Variants in KCNG2 observed in about 807,000 individuals in gnomAD.
KCNG2 encodes potassium voltage-gated channel modifier subfamily G member 2.
KCNG2 carries 7 observed loss-of-function variants against 12.3 expected under a neutral mutation model. The observed-to-expected ratio is 0.57, with a 90% CI of 0.32 to 1.07. KCNG2 has a LOEUF of 1.07. Ranked by LOEUF, KCNG2 falls within the 50% of genes least tolerant of loss-of-function variation. The pLI, the probability that KCNG2 is intolerant of heterozygous loss-of-function variation, is 0.04. For synonymous variants in KCNG2, 414 were observed against 351.4 expected (o/e 1.18, Z -1.99); for missense variants, 703 against 726.0 (o/e 0.97, Z 0.36).
intron 1 of KCNG2, among the ~76,000 whole-genome samples, chr18:79,834,024 A>C (rs1158769971): frequency 6.6e-6 from 1 of 152,228 alleles, no homozygotes; most frequent in Non-Finnish European, 1.5e-5. Flanking sequence ...TGGCCAGGGG[A>C]CGGTGGGCTG....
chr18:79,820,587 T>C (rs1468511978), intron 1 of KCNG2, among the ~76,000 whole-genome samples: 1 of 152,180 alleles, frequency 6.6e-6, no homozygotes. Context: ...TGCATCTTCT[T>C]TGGAGAAAAG....
chr18:79,812,832 G>A (rs1374337371), intron 1 of KCNG2, among the ~76,000 whole-genome samples: 1 of 152,198 alleles, frequency 6.6e-6, no homozygotes, highest in Non-Finnish European at 1.5e-5. Context: ...CTGTAGTCCA[G>A]TCTGGGTGAT....
chr18:79,799,399 G>A (rs766640612), intron 1 of KCNG2, among the ~76,000 whole-genome samples: 4 of 152,144 alleles, frequency 2.6e-5, no homozygotes, highest in African/African-American at 9.7e-5. Flanking sequence ...GCCTCTGAAG[G>A]TTCTTCCTTA....
In KCNG2 at chr18:79,874,195, C is replaced by T. The variant is rs189054796; in HGVS notation, c.624+9904C>T. Among the ~76,000 whole-genome samples, 150 of 152,274 alleles carry T rather than the reference C, an allele frequency of 9.9e-4. 1 individual carries two copies. Among genetic ancestry groups the T allele is most frequent in the Admixed American group, 4.5e-3 (69 of 15,296 alleles). On this transcript the variant is annotated intron_variant, in intron 3 of 3. Coordinates refer to ENST00000316249, the MANE Select transcript of KCNG2 (RefSeq NM_012283.2). The stretch of plus-strand genomic sequence containing the variant: ...TGCTCCTGAACTGTGTTTTGTTGGC[C>T]GATTGAAGAAAAGCTGTACAGCCAC...
intron 3 of KCNG2, among the ~76,000 whole-genome samples, chr18:79,867,831 C>A (rs2123083044): frequency 6.6e-6 from 1 of 152,156 alleles, no homozygotes; most frequent in East Asian, 1.9e-4. Context: ...ACCCCTCCAC[C>A]CCTCGGGGCA....
chr18:79,899,783 C>T lies in KCNG2; in HGVS notation c.1368C>T (p.Ser456=), dbSNP rs1429795731. The change falls in exon 4 of 4, where the codon TCC becomes TCT. Residue 456 remains serine (S), a synonymous_variant. Transcript: ENST00000316249. ...ACAGCGCGGGCCTGGCCGACGACTC[C>T]GCGGATGCGCTGTGGGTGCGGGCAG... ...GPDSAGLADD[S]ADALWVRAGR 1.4e-5 allele frequency: 20 copies of T among 1,459,970 alleles called. No homozygotes were observed. Among genetic ancestry groups the T allele is most frequent in the Admixed American group, 5.5e-5 (2 of 36,540 alleles). The allele number at this position is 1,459,970 out of a possible 1,614,324, so 90.4% of individuals were successfully genotyped here. A position where few individuals can be genotyped will look rare whatever the true frequency, so the allele number is the denominator to read the frequency against.
intron 3 of KCNG2, among the ~76,000 whole-genome samples, chr18:79,895,088 C>T (rs1034195502): frequency 9.4e-5 from 13 of 138,446 alleles, no homozygotes; most frequent in Non-Finnish European, 1.5e-4. Flanking sequence ...GATATAGCTG[C>T]GTCTGTGTCT....
chr18:79,823,576 A>T (rs1264897831), intron 1 of KCNG2, among the ~76,000 whole-genome samples: 1 of 151,992 alleles, frequency 6.6e-6, no homozygotes, highest in Non-Finnish European at 1.5e-5. Flanking sequence ...TGTTTTCCAT[A>T]CGTGTGAGAG....
chr18:79,798,486 G>A (rs1045891191), intron 1 of KCNG2, among the ~76,000 whole-genome samples: 3 of 152,204 alleles, frequency 2.0e-5, no homozygotes, highest in Admixed American at 1.3e-4. Flanking sequence ...CGGCTCGCGC[G>A]GAGAGCGGGC....
chr18:79,854,138 G>A (rs187311165), intron 1 of KCNG2, among the ~76,000 whole-genome samples: 20 of 152,374 alleles, frequency 1.3e-4, no homozygotes, highest in Admixed American at 3.9e-4. Context: ...GACTGGCCGC[G>A]GAGGGAAGGC....
In KCNG2 at chr18:79,798,014, G is replaced by C. The variant is rs2087375627; in HGVS notation, c.-115G>C. 6.6e-6 allele frequency among the ~76,000 whole-genome samples: 1 copy of C among 150,974 alleles called. No individual in the cohort carries two copies. The highest frequency in any genetic ancestry group is 2.4e-5 in the African/African-American group (1 of 41,244). On this transcript the variant is annotated splice_region_variant and 5_prime_UTR_variant, in exon 1 of 4. Transcript: ENST00000316249. ...CGGAGCTCGCGGAGTCTGGACCGCAGGTAAAGTTGAGCGCGCCGTGGGGCC... is the reference window on the plus strand; with the variant it reads ...CGGAGCTCGCGGAGTCTGGACCGCACGTAAAGTTGAGCGCGCCGTGGGGCC...
At chr18:79,805,410 G>A (rs1163847737) in intron 1 of KCNG2, among the ~76,000 whole-genome samples, 1 of 152,248 alleles carries the variant, frequency 6.6e-6, no homozygotes, top group Non-Finnish European at 1.5e-5. Flanking sequence ...GCCGGCACCT[G>A]CGGAGCTTCC....
chr18:79,859,914 C>T (rs1380976265), intron 2 of KCNG2, among the ~76,000 whole-genome samples: 2 of 152,068 alleles, frequency 1.3e-5, no homozygotes, highest in Non-Finnish European at 2.9e-5. Context: ...AGTCCATGTT[C>T]GCATTCCTAT....
intron 1 of KCNG2, among the ~76,000 whole-genome samples, chr18:79,801,657 A>G (rs2087410672): frequency 1.3e-5 from 2 of 152,270 alleles, no homozygotes; most frequent in Non-Finnish European, 2.9e-5. Flanking sequence ...TATGGGGCCC[A>G]GTGTAGCTTC....
At chr18:79,829,106 G>C (rs1219894100) in intron 1 of KCNG2, among the ~76,000 whole-genome samples, 6 of 116,954 alleles carry the variant, frequency 5.1e-5, no homozygotes, top group African/African-American at 2.0e-4. Context: ...GTGCGTGTGT[G>C]TAACATGTCC....
At chr18:79,877,872 G>T (rs1247336369) in intron 3 of KCNG2, among the ~76,000 whole-genome samples, 3 of 152,244 alleles carry the variant, frequency 2.0e-5, no homozygotes, top group East Asian at 1.9e-4. Context: ...TTCAAAGGCG[G>T]CTGGTCACGG....
chr18:79,869,987 T>C (rs1979767029), intron 3 of KCNG2, among the ~76,000 whole-genome samples: 1 of 152,146 alleles, frequency 6.6e-6, no homozygotes, highest in Non-Finnish European at 1.5e-5. Context: ...TTGCCACCCG[T>C]TCCCAGCTGG....
In KCNG2 at chr18:79,899,220, G is replaced by A; in HGVS notation, c.805G>A (p.Gly269Arg). The change falls in exon 4 of 4, where the codon GGG becomes AGG. Residue 269 changes from glycine (G) to arginine (R), a missense_variant. Coordinates refer to ENST00000316249, the MANE Select transcript of KCNG2 (RefSeq NM_012283.2). ...GCCGTTCTACGTGTCGCTGCTGCTG[G>A]GGCTGGCGGCAGGCCCGGGCGGGAC... ...LLPFYVSLLL[G>R]LAAGPGGTKL... is the part of the protein sequence containing the mutation. 6.2e-7 allele frequency: 1 copy of A among 1,601,708 alleles called. No individual in the cohort carries two copies.
intron 1 of KCNG2, among the ~76,000 whole-genome samples, chr18:79,855,148 G>C (rs1353833113): frequency 6.6e-6 from 1 of 152,186 alleles, no homozygotes; most frequent in Middle Eastern, 3.4e-3. Context: ...GGCTGTGTGT[G>C]CTGGCATGTG....
Sources: allele counts gnomAD v4.1 joint callset (sites outside exome capture counted in the v4.1 genomes callset), GRCh38; gene constraint gnomAD v4.1.1; transcripts MANE v1.5; gene names NCBI Gene and HGNC (gene_info 2026-07-23, HGNC 2026-07-21).